The following MOCOS variants were observed in gnomAD, a reference collection of about 807,000 sequenced individuals.
The protein encoded by MOCOS is human molybdenum cofactor sulfurase.
A neutral mutation model predicts 83.6 loss-of-function variants in MOCOS; 86 were observed. That is an observed-to-expected ratio of 1.03 (90% confidence interval 0.86 to 1.23). MOCOS has a LOEUF of 1.23. MOCOS is among the 50% of genes most tolerant of loss of function. The pLI is 0.00. For missense variants in MOCOS, 1,120 were observed against 1,126.9 expected, an observed-to-expected ratio of 0.99 and a Z score of 0.09; for synonymous variants, 445 against 434.7, an observed-to-expected ratio of 1.02 and a Z score of -0.29.
intron 6 of MOCOS, among the ~76,000 whole-genome samples, chr18:36,209,849 C>T (rs557619301): frequency 6.6e-6 from 1 of 152,040 alleles, no homozygotes; most frequent in Non-Finnish European, 1.5e-5. Context: ...GGTAGATACC[C>T]AGTAGTGACA....
At chr18:36,210,082 G>A (rs1026086513) in intron 6 of MOCOS, among the ~76,000 whole-genome samples, 1 of 152,118 alleles carries the variant, frequency 6.6e-6, no homozygotes, top group African/African-American at 2.4e-5. Context: ...TTCATCATAG[G>A]TATTGGCCTG....
chr18:36,240,999 C>G (rs368631942), intron 9 of MOCOS, among the ~76,000 whole-genome samples: 1 of 152,202 alleles, frequency 6.6e-6, no homozygotes, highest in Non-Finnish European at 1.5e-5. Context: ...GGCTCGCGCA[C>G]GGTGCGTGCA....
chr18:36,262,811 A>G (rs2091668651), intron 13 of MOCOS, among the ~76,000 whole-genome samples: 1 of 152,234 alleles, frequency 6.6e-6, no homozygotes, highest in South Asian at 2.1e-4. Flanking sequence ...TGTGCCTTTC[A>G]AGAAAGTAAA....
chr18:36,214,405 G>A (rs2091467923), intron 7 of MOCOS, among the ~76,000 whole-genome samples: 1 of 152,116 alleles, frequency 6.6e-6, no homozygotes, highest in Non-Finnish European at 1.5e-5. Context: ...ACCTGGTTCA[G>A]CCCTCCTGAG....
At chr18:36,201,554 C>G (rs2144902846) in intron 4 of MOCOS, among the ~76,000 whole-genome samples, 1 of 145,992 alleles carries the variant, frequency 6.8e-6, no homozygotes, top group South Asian at 2.2e-4. Context: ...CTCAGCTGCT[C>G]AAGAGATTGA....
At position 36,220,091 on chromosome 18, in the gene MOCOS, T is replaced by C. The variant is rs977041609; in HGVS notation, c.1834T>C (p.Tyr612His). ...RWPVGNQGLL[Y>H]DRSWMVVNHN... Reference sequence around the variant, plus strand: ...GCCTGTAGGAAACCAAGGGCTGCTATATGACCGGAGCTGGATGGTTGTGAA... The same window carrying C: ...GCCTGTAGGAAACCAAGGGCTGCTACATGACCGGAGCTGGATGGTTGTGAA... The change falls in exon 9 of 15, where the codon TAT becomes CAT. Residue 612 changes from tyrosine (Y) to histidine (H), a missense_variant. Tyr to His is a moderately conservative substitution (Grantham distance 83, BLOSUM62 2). Transcript: ENST00000261326. 2.5e-6 allele frequency: 4 copies of C among 1,613,776 alleles called. No individual in the cohort carries two copies. Among genetic ancestry groups the C allele is most frequent in the Non-Finnish European group, 3.4e-6 (4 of 1,180,022 alleles).
At chr18:36,247,048 G>A (rs900606656) in intron 9 of MOCOS, among the ~76,000 whole-genome samples, 1 of 152,004 alleles carries the variant, frequency 6.6e-6, no homozygotes, top group African/African-American at 2.4e-5. Flanking sequence ...TCTGGGGGTG[G>A]GGGGCTGGTT....
chr18:36,260,052 G>A lies in MOCOS; in HGVS notation c.2286G>A (p.Lys762=), dbSNP rs563344721. ...CTTTAATCAGTGATGAGAATGGAAA[G>A]GAGGAATTATTCTCACTGAAGGATC... ...RQLNTSDENG[K]EELFSLKDLS... The change falls in exon 13 of 15, where the codon AAG becomes AAA. Residue 762 remains lysine (K), a synonymous_variant. Coordinates refer to ENST00000261326, the MANE Select transcript of MOCOS (RefSeq NM_017947.4). 6.2e-7 allele frequency: 1 copy of A among 1,614,210 alleles called. No homozygotes were observed. Among genetic ancestry groups the A allele is most frequent in the African/African-American group, 1.3e-5 (1 of 75,052 alleles).
At chr18:36,191,039 A>AAAAAAAG (rs1568046543) in intron 1 of MOCOS, among the ~76,000 whole-genome samples, 9 of 112,030 alleles carry the variant, frequency 8.0e-5, no homozygotes, top group Non-Finnish European at 1.7e-4. Flanking sequence ...AAAGAAAAAG[A>AAAAAAAG]AAAAAAAGTG....
chr18:36,256,473 A>G (rs1837015062), intron 11 of MOCOS, among the ~76,000 whole-genome samples: 1 of 151,934 alleles, frequency 6.6e-6, no homozygotes, highest in East Asian at 1.9e-4. Context: ...TTTTTGAGAC[A>G]GAGTGTTGCT....
chr18:36,252,218 G>A lies in MOCOS; in HGVS notation c.2164+935G>A, dbSNP rs185184787. 1.0e-3 allele frequency among the ~76,000 whole-genome samples: 153 copies of A among 152,224 alleles called. 1 individual carries two copies. Among genetic ancestry groups the A allele is most frequent in the South Asian group, 9.1e-3 (44 of 4,824 alleles). ...GATCAGTTCCCAGAGGAACTAGTTT[G>A]TAATCCAAATAGCATTTAGAGTTTG... On this transcript the variant is annotated intron_variant, in intron 11 of 14. Coordinates refer to ENST00000261326, the MANE Select transcript of MOCOS (RefSeq NM_017947.4).
chr18:36,231,446 CTGTT>C, intron 9 of MOCOS, among the ~76,000 whole-genome samples: 1 of 152,166 alleles, frequency 6.6e-6, no homozygotes, highest in African/African-American at 2.4e-5. Flanking sequence ...TTATTTTGAA[CTGTT>C]ACCTATGCAT....
Position 36,199,974 on chromosome 18 carries a change from C to T in MOCOS, c.591C>T (p.Leu197=). ...ACCCAGACTGCCAGCTGCCGCATCTCTTCTGCTACCCAGCTCAGAGTAACT... is the reference window on the plus strand; with the variant it reads ...ACCCAGACTGCCAGCTGCCGCATCTTTTCTGCTACCCAGCTCAGAGTAACT... ...ASNPDCQLPH[L]FCYPAQSNFS... The change falls in exon 4 of 15, where the codon CTC becomes CTT. Residue 197 remains leucine (L), a synonymous_variant. Transcript: ENST00000261326. The T allele has an allele frequency of 6.2e-7, 1 of 1,614,274 alleles. No homozygotes were observed.
At chr18:36,253,294 G>A (rs936156373) in intron 11 of MOCOS, among the ~76,000 whole-genome samples, 5 of 152,290 alleles carry the variant, frequency 3.3e-5, no homozygotes, top group African/African-American at 1.2e-4. Flanking sequence ...AAAGGTCTAT[G>A]CGAAGGGCAG....
chr18:36,213,549 G>A (rs1429713370), intron 7 of MOCOS, 67 bp downstream of exon 7: 38 of 1,250,794 alleles, frequency 3.0e-5, no homozygotes, highest in African/African-American at 1.6e-4. Flanking sequence ...TGCTGCCTGT[G>A]TGTCTGGGGT....
rs9953462 is a variant in MOCOS, at chr18:36,190,910, G to A, written c.142+3229G>A. Among the ~76,000 whole-genome samples, 825 of 150,708 alleles carry A rather than the reference G, an allele frequency of 5.5e-3. 11 individuals are homozygous for A. Among genetic ancestry groups the A allele is most frequent in the African/African-American group, 0.02 (807 of 41,062 alleles). ...AAATTAGCCCGGTGTGGTGGCACATGCCTGTAATCCCAGCTATTTGGGAGG... is the reference window on the plus strand; with the variant it reads ...AAATTAGCCCGGTGTGGTGGCACATACCTGTAATCCCAGCTATTTGGGAGG... On this transcript the variant is annotated intron_variant, in intron 1 of 14. Coordinates refer to ENST00000261326, the MANE Select transcript of MOCOS (RefSeq NM_017947.4).
intron 9 of MOCOS, among the ~76,000 whole-genome samples, chr18:36,245,214 A>T (rs182254456): frequency 2.4e-4 from 36 of 152,194 alleles, no homozygotes; most frequent in Admixed American, 2.2e-3. Flanking sequence ...ATTGTTTTAT[A>T]AGCTGTGTGA....
chr18:36,256,222 A>G (rs1273814727), intron 11 of MOCOS, among the ~76,000 whole-genome samples: 3 of 152,164 alleles, frequency 2.0e-5, no homozygotes, highest in African/African-American at 4.8e-5. Context: ...AACATCTACT[A>G]TCTATTTCTA....
At chr18:36,224,798 C>T (rs2091509254) in intron 9 of MOCOS, among the ~76,000 whole-genome samples, 5 of 152,134 alleles carry the variant, frequency 3.3e-5, no homozygotes, top group Admixed American at 3.3e-4. Flanking sequence ...AATGTTCCCT[C>T]CTCTTAGTTT....
Sources: allele counts gnomAD v4.1 joint callset (sites outside exome capture counted in the v4.1 genomes callset), GRCh38; gene constraint gnomAD v4.1.1; transcripts MANE v1.5; gene names NCBI Gene and HGNC (gene_info 2026-07-23, HGNC 2026-07-21).